MRPS31: variants seen among roughly 807,000 people sequenced by gnomAD.
The protein encoded by MRPS31 is small ribosomal subunit protein mS31.
MRPS31 carries 32 observed loss-of-function variants against 43.1 expected under a neutral mutation model. The ratio of observed to expected loss-of-function variants is 0.74; its 90% confidence interval spans 0.56 to 1.00. The LOEUF (loss-of-function observed/expected upper bound fraction) is 1.00. Among genes scored for constraint, MRPS31 ranks in the 50% least tolerant of loss-of-function variants. MRPS31 has a pLI of 0.00. For synonymous variants in MRPS31, 165 were observed against 161.6 expected, an observed-to-expected ratio of 1.02 and a Z score of -0.16; for missense variants, 437 against 466.7, an observed-to-expected ratio of 0.94 and a Z score of 0.59.
chr13:40,737,322 A>G, intron 6 of MRPS31, among the ~76,000 whole-genome samples: 1 of 152,112 alleles, frequency 6.6e-6, no homozygotes, highest in Non-Finnish European at 1.5e-5. Flanking sequence ...AGACTCCCAC[A>G]CATTAATAAT....
At chr13:40,731,005 T>C (rs1879676505) in intron 6 of MRPS31, 1 of 152,142 alleles carries the variant, frequency 6.6e-6, no homozygotes, top group Non-Finnish European at 1.5e-5. Flanking sequence ...CTCACACCTA[T>C]AATCCCAGCA....
intron 6 of MRPS31, among the ~76,000 whole-genome samples, chr13:40,729,981 C>T (rs935929455): frequency 3.3e-5 from 5 of 151,770 alleles, no homozygotes; most frequent in Non-Finnish European, 5.9e-5. Flanking sequence ...CTGCCCGCCT[C>T]GGCCTCCCAA....
At chr13:40,735,951 GAGA>G (rs1254963836) in intron 6 of MRPS31, among the ~76,000 whole-genome samples, 4 of 149,420 alleles carry the variant, frequency 2.7e-5, no homozygotes, top group African/African-American at 5.0e-5. Context: ...GACGAGCTGA[GAGA>G]AGAAGGCTTC....
At chr13:40,739,086 A>C (rs1477255460) in intron 6 of MRPS31, among the ~76,000 whole-genome samples, 2 of 152,240 alleles carry the variant, frequency 1.3e-5, no homozygotes, top group Admixed American at 1.3e-4. Flanking sequence ...CAACTTCAGT[A>C]AAGTCTCAGG....
intron 5 of MRPS31, among the ~76,000 whole-genome samples, chr13:40,750,739 ATT>A (rs1401510230): frequency 2.3e-4 from 14 of 60,418 alleles, no homozygotes; most frequent in African/African-American, 4.0e-4. Context: ...TTAGTATCCC[ATT>A]TTATATATAT....
chr13:40,747,065 GT>G (rs912994622), intron 6 of MRPS31, among the ~76,000 whole-genome samples: 3 of 150,540 alleles, frequency 2.0e-5, no homozygotes, highest in East Asian at 1.9e-4. Context: ...CCTCAATACT[GT>G]TTTTTTTTCT....
intron 2 of MRPS31, among the ~76,000 whole-genome samples, chr13:40,763,200 C>A (rs1231848693): frequency 6.6e-6 from 1 of 152,180 alleles, no homozygotes; most frequent in Non-Finnish European, 1.5e-5. Context: ...ACAGGTGACA[C>A]CTGGCCCAGT....
At chr13:40,769,896 G>A (rs1317551426) in intron 1 of MRPS31, among the ~76,000 whole-genome samples, 1 of 152,126 alleles carries the variant, frequency 6.6e-6, no homozygotes, top group Non-Finnish European at 1.5e-5. Flanking sequence ...ACTGACAGCA[G>A]CTCATCAGTA....
chr13:40,746,483 T>C (rs1438125639), intron 6 of MRPS31, among the ~76,000 whole-genome samples: 1 of 152,166 alleles, frequency 6.6e-6, no homozygotes, highest in Non-Finnish European at 1.5e-5. Flanking sequence ...TAATATGCAG[T>C]GTCATGTGGA....
At chr13:40,763,324 C>T (rs1274174578) in intron 2 of MRPS31, among the ~76,000 whole-genome samples, 1 of 152,176 alleles carries the variant, frequency 6.6e-6, no homozygotes, top group Non-Finnish European at 1.5e-5. Context: ...CACAGTCAAT[C>T]ATCTTAGAGT....
At chr13:40,770,935 G>A in intron 1 of MRPS31, 50 bp downstream of exon 1, 1 of 1,612,166 alleles carries the variant, frequency 6.2e-7, no homozygotes, top group Non-Finnish European at 8.5e-7. Context: ...ATCGACCCCA[G>A]GAAGTCGGAG....
chr13:40,741,792 C>T (rs966303040), intron 6 of MRPS31, among the ~76,000 whole-genome samples: 2 of 151,962 alleles, frequency 1.3e-5, no homozygotes, highest in African/African-American at 4.8e-5. Context: ...AGTCTGCATT[C>T]ATAACAATGG....
chr13:40,739,800 A>T (rs938547226), intron 6 of MRPS31, among the ~76,000 whole-genome samples: 3 of 151,696 alleles, frequency 2.0e-5, no homozygotes, highest in Non-Finnish European at 4.4e-5. Flanking sequence ...AAGATGGATT[A>T]AAGACTTAAA....
At chr13:40,763,084 A>C (rs1880748011) in intron 2 of MRPS31, among the ~76,000 whole-genome samples, 4 of 152,196 alleles carry the variant, frequency 2.6e-5, no homozygotes, top group Non-Finnish European at 5.9e-5. Context: ...CTTCCAAATG[A>C]ATCAGGTTAA....
chr13:40,758,881 C>G, intron 3 of MRPS31, 67 bp downstream of exon 3: 4 of 1,393,420 alleles, frequency 2.9e-6, no homozygotes, highest in Non-Finnish European at 3.8e-6. Flanking sequence ...GTATTACTCA[C>G]TAGCCATATG....
At chr13:40,750,201 G>A (rs149932020) in intron 5 of MRPS31, among the ~76,000 whole-genome samples, 45 of 152,196 alleles carry the variant, frequency 3.0e-4, no homozygotes, top group Non-Finnish European at 4.0e-4. Context: ...ATAAAAATGC[G>A]TTACTAGTAC....
chr13:40,770,922 A>C lies in MRPS31; in HGVS notation c.152+63T>G, dbSNP rs1183986281. ...TAGCTTCTAAGACCCAGCAGGTGGT[A>C]ACATCGACCCCAGGAAGTCGGAGGA... On this transcript the variant is annotated intron_variant, in intron 1 of 6. Coordinates refer to ENST00000323563, the MANE Select transcript of MRPS31 (RefSeq NM_005830.4). The C allele has an allele frequency of 4.2e-5, 68 of 1,600,662 alleles. 2 individuals carry two copies. In the Admixed American group the frequency reaches 1.1e-3, roughly 26 times the overall value.
At chr13:40,735,285 C>G (rs1490953410) in intron 6 of MRPS31, among the ~76,000 whole-genome samples, 1 of 152,230 alleles carries the variant, frequency 6.6e-6, no homozygotes, top group Non-Finnish European at 1.5e-5. Flanking sequence ...GTCCTACGCC[C>G]ACGGAGTCTC....
intron 6 of MRPS31, among the ~76,000 whole-genome samples, chr13:40,739,676 C>T (rs1471963381): frequency 1.3e-5 from 2 of 151,918 alleles, no homozygotes; most frequent in African/African-American, 4.8e-5. Flanking sequence ...CTGAGAAAAA[C>T]AAGCAATGGG....
Sources: allele counts gnomAD v4.1 joint callset (sites outside exome capture counted in the v4.1 genomes callset), GRCh38; gene constraint gnomAD v4.1.1; transcripts MANE v1.5; gene names NCBI Gene and HGNC (gene_info 2026-07-23, HGNC 2026-07-21).